The following CD99 variants were observed in gnomAD, a reference collection of about 807,000 sequenced individuals.
CD99 encodes CD99 antigen.
In CD99, 19 loss-of-function variants were observed where a neutral mutation model predicts 28.4. That is an observed-to-expected ratio of 0.67 (90% CI 0.47 to 0.98). CD99 has a LOEUF of 0.98. Ranked by LOEUF, CD99 falls within the 50% of genes least tolerant of loss-of-function variation. The pLI is 0.00. For missense variants in CD99, 283 were observed against 248.8 expected (o/e 1.14, Z -0.92); for synonymous variants, 103 against 92.1 (o/e 1.12, Z -0.67).
intron 8 of CD99, among the ~76,000 whole-genome samples, chrX:2,735,728 G>C (rs2049896274): frequency 6.6e-6 from 1 of 152,188 alleles, no homozygotes; most frequent in Non-Finnish European, 1.5e-5. Flanking sequence ...AATGACATTT[G>C]TGGTGAACAT....
chrX:2,733,996 A>G (rs937882975), intron 8 of CD99, among the ~76,000 whole-genome samples: 1 of 152,164 alleles, frequency 6.6e-6, no homozygotes, highest in African/African-American at 2.4e-5. Flanking sequence ...TGATCTTCAC[A>G]CTGTAAGGCG....
chrX:2,715,949 A>C (rs2048687015), intron 2 of CD99, among the ~76,000 whole-genome samples: 1 of 151,598 alleles, frequency 6.6e-6, no homozygotes, highest in Non-Finnish European at 1.5e-5. Context: ...AAGTAAGATC[A>C]CCTATTGAGG....
chrX:2,697,175 A>G (rs1407377422), intron 1 of CD99, among the ~76,000 whole-genome samples: 3 of 152,112 alleles, frequency 2.0e-5, no homozygotes, highest in Admixed American at 1.3e-4. Flanking sequence ...GGGCTGAGAT[A>G]TAATATATGT....
Position 2,714,423 on chromosome X carries a change from T to C in CD99, c.69T>C (p.Asp23=). ...GLLGVLVAAP[D]GGFDLSDALP... Reference sequence around the variant, plus strand: ...GTTGACTCTTTTTTTCTCTCTTAGATGGTGGTTTCGATTTATCCGATGCCC... The same window carrying C: ...GTTGACTCTTTTTTTCTCTCTTAGACGGTGGTTTCGATTTATCCGATGCCC... Residue 23 remains aspartate, a splice_region_variant and synonymous_variant, in exon 2 of 10, where the codon GAT becomes GAC. Transcript: ENST00000381192. 1 of 1,599,158 alleles carries C rather than the reference T, an allele frequency of 6.3e-7. No homozygotes were observed. The highest frequency in any genetic ancestry group is 2.2e-5 in the East Asian group (1 of 44,780).
At position 2,738,192 on chromosome X, in the gene CD99, C is replaced by A. The variant is rs1185551040; in HGVS notation, c.476-8C>A. ...GAGCCTCTCTGTGTATTTTCTTCTT[C>A]TTTTCAGCAGAACAAGGGGAGGTGG... On this transcript the variant is annotated splice_region_variant and splice_polypyrimidine_tract_variant and intron_variant, in intron 8 of 9. Coordinates refer to ENST00000381192, the MANE Select transcript of CD99 (RefSeq NM_002414.5). 6.2e-7 allele frequency: 1 copy of A among 1,613,612 alleles called. No individual in the cohort carries two copies. The highest frequency in any genetic ancestry group is 8.5e-7 in the Non-Finnish European group (1 of 1,179,592).
chrX:2,725,888 C>G lies in CD99; in HGVS notation c.362-372C>G, dbSNP rs2049255014. 2.0e-5 allele frequency among the ~76,000 whole-genome samples: 3 copies of G among 152,208 alleles called. No individual in the cohort carries two copies. The South Asian group carries it at 6.2e-4, about 32-fold the overall frequency. ...TCGGCCTCCCAAAGTGCTGGGATTA[C>G]AGGCGTGAGCCACCACGCCCAGCCC... On this transcript the variant is annotated intron_variant, in intron 7 of 9. Coordinates refer to ENST00000381192, the MANE Select transcript of CD99 (RefSeq NM_002414.5).
At chrX:2,702,848 C>T (rs1236471948) in intron 1 of CD99, among the ~76,000 whole-genome samples, 1 of 151,926 alleles carries the variant, frequency 6.6e-6, no homozygotes, top group Non-Finnish European at 1.5e-5. Flanking sequence ...GTGGCGTGAT[C>T]TTGGCTCACT....
At chrX:2,719,974 C>G (rs1223808147) in intron 4 of CD99, among the ~76,000 whole-genome samples, 1 of 152,164 alleles carries the variant, frequency 6.6e-6, no homozygotes, top group Non-Finnish European at 1.5e-5. Context: ...GCTTCACCAG[C>G]ATGTGACCTG....
chrX:2,698,713 C>T (rs1480823137), intron 1 of CD99, among the ~76,000 whole-genome samples: 4 of 152,146 alleles, frequency 2.6e-5, no homozygotes, highest in Admixed American at 2.6e-4. Context: ...AGAGTCCAGG[C>T]TAAAAACACA....
At chrX:2,705,130 G>A (rs748848878) in intron 1 of CD99, among the ~76,000 whole-genome samples, 6 of 152,290 alleles carry the variant, frequency 3.9e-5, no homozygotes, top group Non-Finnish European at 5.9e-5. Flanking sequence ...AGGGCCCGGC[G>A]GCCACTATCA....
At chrX:2,730,019 T>C (rs1442474747) in intron 8 of CD99, among the ~76,000 whole-genome samples, 2 of 152,110 alleles carry the variant, frequency 1.3e-5, no homozygotes, top group African/African-American at 4.8e-5. Flanking sequence ...CTGGGCGTGC[T>C]TGCGCCTGCC....
intron 1 of CD99, among the ~76,000 whole-genome samples, chrX:2,697,580 CAGA>C (rs925456449): frequency 6.6e-6 from 1 of 152,076 alleles, no homozygotes; most frequent in African/African-American, 2.4e-5. Context: ...GGATGCTGAC[CAGA>C]AGGAGCTTTC....
chrX:2,691,911 G>A (rs777000709), intron 1 of CD99: 5 of 779,158 alleles, frequency 6.4e-6, no homozygotes, highest in Non-Finnish European at 1.2e-5. Context: ...GGGTGGTGGG[G>A]GGAAGGGAAG....
intron 9 of CD99, among the ~76,000 whole-genome samples, chrX:2,739,801 C>T (rs756259598): frequency 4.6e-4 from 69 of 150,132 alleles, no homozygotes; most frequent in African/African-American, 1.2e-3. Flanking sequence ...TCTCGCCAGA[C>T]GCGGTGGCTA....
At chrX:2,711,439 GTGTA>G in intron 1 of CD99, among the ~76,000 whole-genome samples, 1 of 122,788 alleles carries the variant, frequency 8.1e-6, no homozygotes, top group South Asian at 3.0e-4. Context: ...ATGTGTATGT[GTGTA>G]TATATATATA....
At chrX:2,717,465 G>GT in intron 2 of CD99, 140 bp from the exon 3 acceptor site, 1 of 693,166 alleles carries the variant, frequency 1.4e-6, no homozygotes, top group South Asian at 1.8e-5. Context: ...CCTCAGCTCG[G>GT]TGTGGGCAGG....
At chrX:2,734,099 A>G (rs1158259311) in intron 8 of CD99, among the ~76,000 whole-genome samples, 2 of 152,180 alleles carry the variant, frequency 1.3e-5, no homozygotes, top group Non-Finnish European at 2.9e-5. Flanking sequence ...ATATCCCTGA[A>G]AAACACAAAT....
chrX:2,737,684 C>T (rs1324979469), intron 8 of CD99, among the ~76,000 whole-genome samples: 6 of 151,438 alleles, frequency 4.0e-5, no homozygotes, highest in Admixed American at 2.6e-4. Flanking sequence ...TTAGTAGAGA[C>T]GGGGTTTCAC....
intron 5 of CD99, among the ~76,000 whole-genome samples, chrX:2,722,007 G>A (rs951708533): frequency 9.9e-5 from 15 of 151,968 alleles, no homozygotes; most frequent in African/African-American, 3.6e-4. Flanking sequence ...GATGCCAGGG[G>A]TGTGTGCAAA....
Sources: gnomAD v4.1 joint callset for allele counts (sites outside exome capture counted in the v4.1 genomes callset) on GRCh38, gnomAD v4.1.1 for gene constraint, MANE v1.5 for transcripts, NCBI Gene and HGNC (gene_info 2026-07-23, HGNC 2026-07-21) for gene names.